Variants in GLIS1 observed in about 807,000 individuals in gnomAD.
GLIS1 encodes the protein GLIS family zinc finger 1.
In GLIS1, 24 loss-of-function variants were observed where a neutral mutation model predicts 63.8. The observed-to-expected ratio is 0.38, with a 90% CI of 0.27 to 0.53. The LOEUF (loss-of-function observed/expected upper bound fraction) is 0.53, where lower values mean the gene tolerates loss of function less well. Ranked by LOEUF, GLIS1 falls within the 20% of genes least tolerant of loss-of-function variation. GLIS1 has a pLI of 0.85. For missense variants in GLIS1, 1,036 were observed against 1,074.1 expected (o/e 0.96, Z 0.50); for synonymous variants, 450 against 482.5 (o/e 0.93, Z 0.88).
Position 53,506,693 on chromosome 1 carries a change from C to G in GLIS1, c.2314G>C (p.Asp772His), listed in dbSNP as rs947237613. The G allele has an allele frequency of 1.1e-5, 17 of 1,613,428 alleles. No individual in the cohort carries two copies. Among genetic ancestry groups the G allele is most frequent in the African/African-American group, 2.7e-5 (2 of 74,930 alleles). ...SEDVVSSGPE[D>H]CGFFPNGAFD... is the part of the protein sequence containing the mutation. ...GCTCCATTGGGGAAGAAGCCACAGT[C>G]CTCGGGGCCGCTGGACACCACATCT... Residue 772 changes from aspartate (D) to histidine (H), a missense_variant, in exon 11 of 11, where the codon GAC (aspartate) becomes CAC (histidine). Asp to His is a moderately conservative substitution (Grantham distance 81). Around this residue, in one of 3 missense-constraint regions of GLIS1, gnomAD observed 400 missense variants for 400.9 expected, o/e 1.00. Coordinates refer to ENST00000628545, the MANE Select transcript of GLIS1 (RefSeq NM_001367484.1).
At chr1:53,728,027 G>A (rs1646822439) in intron 2 of GLIS1, among the ~76,000 whole-genome samples, 1 of 152,214 alleles carries the variant, frequency 6.6e-6, no homozygotes, top group Non-Finnish European at 1.5e-5. Flanking sequence ...AGACTGGGCT[G>A]TACTTCATTC....
Position 53,606,745 on chromosome 1 carries a change from C to T in GLIS1, c.260-6467G>A, listed in dbSNP as rs534009403. On this transcript the variant is annotated intron_variant, in intron 2 of 10. Transcript: ENST00000628545. ...GGGCATTCATGGCCATCAGAGGGGC[C>T]GTAACCTCAGCAGGGGCCTCCAGAA... 6.6e-5 allele frequency among the ~76,000 whole-genome samples: 10 copies of T among 152,352 alleles called. 1 individual carries two copies. In the South Asian group the frequency reaches 1.4e-3, roughly 22 times the overall value.
intron 2 of GLIS1, among the ~76,000 whole-genome samples, chr1:53,660,080 A>C (rs1646009864): frequency 6.6e-6 from 1 of 151,976 alleles, no homozygotes; most frequent in Admixed American, 6.6e-5. Flanking sequence ...CTTTGAGTCT[A>C]CTCTGGGCTT....
chr1:53,557,565 C>T (rs2100428241), intron 4 of GLIS1, among the ~76,000 whole-genome samples: 1 of 152,300 alleles, frequency 6.6e-6, no homozygotes, highest in Non-Finnish European at 1.5e-5. Context: ...TGCAGAGCAG[C>T]CATGCCCTGT....
At chr1:53,696,747 T>A (rs1395537658) in intron 2 of GLIS1, among the ~76,000 whole-genome samples, 2 of 152,214 alleles carry the variant, frequency 1.3e-5, no homozygotes, top group Non-Finnish European at 2.9e-5. Context: ...ACTTTGCCCA[T>A]GCCGCCTGGA....
At chr1:53,726,460 C>T (rs1471577733) in intron 2 of GLIS1, among the ~76,000 whole-genome samples, 3 of 152,112 alleles carry the variant, frequency 2.0e-5, no homozygotes, top group East Asian at 1.9e-4. Flanking sequence ...GGCATGGGGA[C>T]GTGGGGAACA....
intron 2 of GLIS1, among the ~76,000 whole-genome samples, chr1:53,625,883 C>T (rs963981599): frequency 6.6e-6 from 1 of 152,218 alleles, no homozygotes; most frequent in Non-Finnish European, 1.5e-5. Flanking sequence ...GTGGCCATAA[C>T]GCTGCACAGA....
At chr1:53,717,470 C>T (rs1199981855) in intron 2 of GLIS1, among the ~76,000 whole-genome samples, 4 of 152,188 alleles carry the variant, frequency 2.6e-5, no homozygotes, top group Admixed American at 2.6e-4. Flanking sequence ...AAGGAAAATA[C>T]AATGCAAAGG....
intron 4 of GLIS1, among the ~76,000 whole-genome samples, chr1:53,568,633 T>C (rs1459925667): frequency 1.3e-5 from 2 of 152,154 alleles, no homozygotes; most frequent in African/African-American, 2.4e-5. Context: ...AGGAGGTGAT[T>C]GGATCATGGG....
intron 2 of GLIS1, among the ~76,000 whole-genome samples, chr1:53,728,337 T>G (rs1401064168): frequency 6.6e-6 from 1 of 152,222 alleles, no homozygotes; most frequent in Admixed American, 6.5e-5. Flanking sequence ...ATAATAATTA[T>G]TATAATCCCA....
intron 2 of GLIS1, among the ~76,000 whole-genome samples, chr1:53,677,155 T>G (rs1468763157): frequency 6.6e-6 from 1 of 152,246 alleles, no homozygotes. Flanking sequence ...AGGGGTATAA[T>G]GAGCTTCCCG....
chr1:53,524,792 C>A lies in GLIS1; in HGVS notation c.1578G>T (p.Gln526His). The change falls in exon 6 of 11, where the codon CAG becomes CAT. Residue 526 changes from glutamine (Q) to histidine (H), a missense_variant. Around this residue, in one of 3 missense-constraint regions of GLIS1, gnomAD observed 400 missense variants for 400.9 expected, o/e 1.00. Transcript: ENST00000628545. Reference sequence around the variant, plus strand: ...GCTGGCTTACCTTCTTACGCACCTGCTGCTCTTTGGCTGAATGGGCCTTGA... The same window carrying A: ...GCTGGCTTACCTTCTTACGCACCTGATGCTCTTTGGCTGAATGGGCCTTGA... ...KHVKAHSAKE[Q>H]QVRKKLHAGP... 1.2e-6 allele frequency: 2 copies of A among 1,613,320 alleles called. No individual in the cohort carries two copies. The highest frequency in any genetic ancestry group is 1.7e-6 in the Non-Finnish European group (2 of 1,179,742).
chr1:53,688,476 C>T (rs1646366053), intron 2 of GLIS1, among the ~76,000 whole-genome samples: 1 of 152,216 alleles, frequency 6.6e-6, no homozygotes, highest in African/African-American at 2.4e-5. Flanking sequence ...CCTCTCTGCT[C>T]TCCTGCCCAT....
At chr1:53,677,437 C>T (rs1328557042) in intron 2 of GLIS1, among the ~76,000 whole-genome samples, 2 of 152,200 alleles carry the variant, frequency 1.3e-5, no homozygotes, top group Non-Finnish European at 2.9e-5. Context: ...AGAAACACCC[C>T]GCAAATGACA....
At chr1:53,509,421 G>T in intron 9 of GLIS1, 134 bp from the exon 10 acceptor site, 1 of 994,768 alleles carries the variant, frequency 1.0e-6, no homozygotes, top group Non-Finnish European at 1.5e-6. Context: ...AGAGAGGAGG[G>T]CCCAGGGCAG....
At chr1:53,710,939 G>A (rs557752518) in intron 2 of GLIS1, among the ~76,000 whole-genome samples, 1 of 151,728 alleles carries the variant, frequency 6.6e-6, no homozygotes, top group African/African-American at 2.4e-5. Flanking sequence ...AGCTGGAGGG[G>A]CTGACCAGCC....
chr1:53,724,660 A>T (rs12059719), intron 2 of GLIS1, among the ~76,000 whole-genome samples: 8 of 151,848 alleles, frequency 5.3e-5, no homozygotes, highest in Non-Finnish European at 7.4e-5. Context: ...CTGAGACTAC[A>T]GGTGCACACC....
intron 2 of GLIS1, among the ~76,000 whole-genome samples, chr1:53,660,555 G>GTT (rs1198600089): frequency 2.8e-4 from 43 of 152,314 alleles, no homozygotes; most frequent in Admixed American, 1.4e-3. Flanking sequence ...GCTGAAGAAG[G>GTT]GTAGAGGAGG....
chr1:53,640,310 G>A (rs1206347588), intron 2 of GLIS1, among the ~76,000 whole-genome samples: 2 of 152,190 alleles, frequency 1.3e-5, no homozygotes, highest in African/African-American at 4.8e-5. Context: ...ACCCAGGGCT[G>A]CATCCACAGC....
Sources: allele counts gnomAD v4.1 joint callset (sites outside exome capture counted in the v4.1 genomes callset), GRCh38; gene constraint gnomAD v4.1.1; regional missense constraint gnomAD v4.1.1; transcripts MANE v1.5; gene names NCBI Gene and HGNC (gene_info 2026-07-23, HGNC 2026-07-21).